The following NELL1 variants were observed in gnomAD, a reference collection of about 807,000 sequenced individuals.
NELL1 encodes the protein neural EGFL like 1, also known as protein kinase C-binding protein NELL1.
In NELL1, 76 loss-of-function variants were observed where a neutral mutation model predicts 107.4. The observed-to-expected ratio is 0.71, with a 90% CI of 0.59 to 0.86. The LOEUF is 0.86. Ranked by LOEUF, NELL1 falls within the 40% of genes least tolerant of loss-of-function variation. NELL1 has a pLI of 0.00. For missense variants in NELL1, 1,024 were observed against 1,005.5 expected (o/e 1.02, Z -0.25); for synonymous variants, 353 against 341.2 (o/e 1.03, Z -0.38).
intron 14 of NELL1, among the ~76,000 whole-genome samples, chr11:21,297,966 C>G (rs1246138982): frequency 6.6e-6 from 1 of 151,888 alleles, no homozygotes; most frequent in Admixed American, 6.6e-5. Flanking sequence ...AGAGGGCTGC[C>G]ATCACCTGCC....
chr11:21,351,731 C>G (rs918182002), intron 14 of NELL1, among the ~76,000 whole-genome samples: 1 of 152,028 alleles, frequency 6.6e-6, no homozygotes, highest in Non-Finnish European at 1.5e-5. Flanking sequence ...AAATTTCTCT[C>G]CTGAATTATT....
chr11:20,795,473 C>T (rs186442045), intron 3 of NELL1, among the ~76,000 whole-genome samples: 2 of 152,280 alleles, frequency 1.3e-5, no homozygotes, highest in Admixed American at 1.3e-4. Context: ...GCTGAACTAT[C>T]TTAATGACAT....
Position 21,002,294 on chromosome 11 carries a change from C to CAGTTACCTACATTAATT in NELL1, c.1300+41747_1300+41748insAATTAGTTACCTACATT, listed in dbSNP as rs11268143. Among the ~76,000 whole-genome samples, 40 of 151,326 alleles carry CAGTTACCTACATTAATT rather than the reference C, an allele frequency of 2.6e-4. No individual in the cohort carries two copies. In the South Asian group the frequency reaches 5.7e-3, roughly 21 times the overall value. On this transcript the variant is annotated intron_variant, in intron 12 of 19. Transcript: ENST00000357134. ...AAAGCTGAGCAAGAATATATTATAA[C>CAGTTACCTACATTAATT]AGTTACCTACATTCCTTTTGTAAAA...
intron 13 of NELL1, among the ~76,000 whole-genome samples, chr11:21,208,369 C>T (rs1456294058): frequency 6.6e-6 from 1 of 151,238 alleles, no homozygotes; most frequent in Non-Finnish European, 1.5e-5. Flanking sequence ...AATATTTTAA[C>T]ATGCATTTTA....
chr11:20,730,658 T>C (rs183426928), intron 2 of NELL1, among the ~76,000 whole-genome samples: 69 of 152,246 alleles, frequency 4.5e-4, no homozygotes, highest in African/African-American at 1.6e-3. Flanking sequence ...ACGAATGGTG[T>C]GTGACTGTGA....
chr11:21,413,102 A>C (rs2133812604), intron 15 of NELL1, among the ~76,000 whole-genome samples: 1 of 152,180 alleles, frequency 6.6e-6, no homozygotes, highest in Non-Finnish European at 1.5e-5. Context: ...CAACAACAAC[A>C]AAAAACCCTT....
chr11:21,551,487 G>C (rs532827698), intron 16 of NELL1, among the ~76,000 whole-genome samples: 1 of 151,676 alleles, frequency 6.6e-6, no homozygotes, highest in Non-Finnish European at 1.5e-5. Flanking sequence ...GACATGAACA[G>C]ACACTTCTCA....
chr11:21,476,550 G>A (rs1047592528), intron 15 of NELL1, among the ~76,000 whole-genome samples: 7 of 152,080 alleles, frequency 4.6e-5, no homozygotes, highest in East Asian at 3.9e-4. Flanking sequence ...CAAGATAGCC[G>A]AATAGAAGCC....
chr11:21,185,204 G>A (rs902284739), intron 13 of NELL1, among the ~76,000 whole-genome samples: 1 of 149,544 alleles, frequency 6.7e-6, no homozygotes, highest in Non-Finnish European at 1.5e-5. Context: ...TGCTACTAAT[G>A]TTATAAATAA....
Position 20,847,605 on chromosome 11 carries a change from G to A in NELL1, c.358G>A (p.Gly120Ser). The change falls in exon 4 of 20, where the codon GGC becomes AGC. Residue 120 changes from glycine (G) to serine (S), a missense_variant. By Grantham distance (56) the Gly-to-Ser change is moderately conservative (BLOSUM62 0). Transcript: ENST00000357134. Reference sequence around the variant, plus strand: ...CAGCTATTTTGAACTGGAGAGCAGTGGCCTGAGGGATGAGATTCGGTATCA... The same window carrying A: ...CAGCTATTTTGAACTGGAGAGCAGTAGCCTGAGGGATGAGATTCGGTATCA... ...EHSYFELESS[G>S]LRDEIRYHYI... The A allele has an allele frequency of 1.9e-6, 3 of 1,613,616 alleles. No individual in the cohort carries two copies. The Middle Eastern group carries it at 5.0e-4, about 267-fold the overall frequency.
At chr11:20,684,255 A>G (rs909337388) in intron 2 of NELL1, among the ~76,000 whole-genome samples, 2 of 151,994 alleles carry the variant, frequency 1.3e-5, no homozygotes, top group Non-Finnish European at 2.9e-5. Flanking sequence ...AAAAAATAAA[A>G]CAAAAATTAT....
At chr11:21,085,394 G>A (rs1854366250) in intron 12 of NELL1, among the ~76,000 whole-genome samples, 1 of 152,160 alleles carries the variant, frequency 6.6e-6, no homozygotes. Flanking sequence ...AGTACTTTGG[G>A]AGGCTAAGTT....
intron 13 of NELL1, among the ~76,000 whole-genome samples, chr11:21,169,434 A>G (rs1026666951): frequency 2.0e-5 from 3 of 151,738 alleles, no homozygotes; most frequent in Non-Finnish European, 2.9e-5. Context: ...GCTTAGATCT[A>G]TTTTTTTGTT....
At chr11:20,702,108 C>A (rs987101556) in intron 2 of NELL1, among the ~76,000 whole-genome samples, 1 of 152,102 alleles carries the variant, frequency 6.6e-6, no homozygotes, top group African/African-American at 2.4e-5. Context: ...GGCAGTATGG[C>A]CATTTTCATG....
intron 13 of NELL1, among the ~76,000 whole-genome samples, chr11:21,131,724 C>A (rs1326204264): frequency 6.6e-6 from 1 of 151,862 alleles, no homozygotes; most frequent in African/African-American, 2.4e-5. Context: ...TGTAAGGGTC[C>A]CTTTTAGTTT....
intron 2 of NELL1, among the ~76,000 whole-genome samples, chr11:20,717,100 C>A (rs1384158063): frequency 1.3e-5 from 2 of 152,168 alleles, no homozygotes; most frequent in African/African-American, 4.8e-5. Flanking sequence ...TTCATGCATA[C>A]CTCCTTGTTC....
chr11:20,957,676 GAAT>G (rs1277514436), intron 11 of NELL1, among the ~76,000 whole-genome samples: 21 of 151,950 alleles, frequency 1.4e-4, no homozygotes, highest in African/African-American at 4.8e-4. Flanking sequence ...AAAAATGAAA[GAAT>G]AAGAGACTAT....
In NELL1 at chr11:21,534,285, T is replaced by C. The variant is rs571641710; in HGVS notation, c.1646-89T>C. ...TGACTAAACAGTTTTAATTGATATG[T>C]TGACATGAGCATGTTTTAGGCATTT... On this transcript the variant is annotated intron_variant, in intron 15 of 19. Coordinates refer to ENST00000357134, the MANE Select transcript of NELL1 (RefSeq NM_006157.5). The C allele has an allele frequency of 1.0e-4, 149 of 1,462,260 alleles. 3 individuals carry two copies. In the South Asian group the frequency reaches 1.7e-3, roughly 16 times the overall value. The allele number at this position is 1,462,260 out of a possible 1,614,324, so 90.6% of individuals were successfully genotyped here. A position where few individuals can be genotyped will look rare whatever the true frequency, so the allele number is the denominator to read the frequency against.
chr11:21,076,633 T>C (rs961436662), intron 12 of NELL1, among the ~76,000 whole-genome samples: 1 of 152,170 alleles, frequency 6.6e-6, no homozygotes, highest in African/African-American at 2.4e-5. Flanking sequence ...TGGATGCTTG[T>C]GCCCTGAAAA....
Sources: gnomAD v4.1 joint callset for allele counts (sites outside exome capture counted in the v4.1 genomes callset) on GRCh38, gnomAD v4.1.1 for gene constraint, MANE v1.5 for transcripts, NCBI Gene and HGNC (gene_info 2026-07-23, HGNC 2026-07-21) for gene names.